Variants in MTA3 observed in about 807,000 individuals in gnomAD.
The protein encoded by MTA3 is metastasis-associated protein MTA3.
Under a neutral mutation model 83.5 loss-of-function variants are expected in MTA3, and 34 were observed. The ratio of observed to expected loss-of-function variants is 0.41; its 90% CI spans 0.31 to 0.54. MTA3 has a LOEUF of 0.54. Ranked by LOEUF, MTA3 falls within the 20% of genes least tolerant of loss-of-function variation. The pLI is 0.33. For synonymous variants in MTA3, 303 were observed against 252.7 expected, an observed-to-expected ratio of 1.20 and a Z score of -1.89; for missense variants, 761 against 726.4, an observed-to-expected ratio of 1.05 and a Z score of -0.55.
chr2:42,658,364 A>G (rs1367681177), intron 7 of MTA3, among the ~76,000 whole-genome samples: 3 of 152,138 alleles, frequency 2.0e-5, no homozygotes, highest in Non-Finnish European at 1.5e-5. Flanking sequence ...TACGTATACA[A>G]ATGGATTTAT....
chr2:42,650,813 C>T (rs1028951456), intron 6 of MTA3, among the ~76,000 whole-genome samples: 7 of 152,170 alleles, frequency 4.6e-5, no homozygotes, highest in African/African-American at 1.7e-4. Context: ...TGAGTTAATC[C>T]TTTCCCTTAT....
rs573033498 is a variant in MTA3 at position 42,520,803 on chromosome 2, C to A, written c.-141+25549C>A. ...CTGGTCTCGAACTCCTAGCCTCAAG[C>A]GATTCTCCTGCCTTGTCTTCCCAAA... On this transcript the variant is annotated intron_variant, in intron 2 of 17. Transcript: ENST00000405592. Among the ~76,000 whole-genome samples, 253 of 152,134 alleles carry A rather than the reference C, an allele frequency of 1.7e-3. 2 individuals are homozygous for A. The highest frequency in any genetic ancestry group is 5.6e-3 in the African/African-American group (233 of 41,528).
At chr2:42,522,806 CTT>C (rs1173170546) in intron 2 of MTA3, among the ~76,000 whole-genome samples, 45 of 116,116 alleles carry the variant, frequency 3.9e-4, no homozygotes, top group Admixed American at 5.3e-4. Context: ...AACATGTGGT[CTT>C]TTTTTTTTTT....
intron 8 of MTA3, among the ~76,000 whole-genome samples, chr2:42,676,347 A>T (rs1691349839): frequency 6.6e-6 from 1 of 152,244 alleles, no homozygotes; most frequent in African/African-American, 2.4e-5. Flanking sequence ...TAAGAAAAGC[A>T]GTTTCACTCA....
chr2:42,733,448 C>T (rs1051503959), intron 16 of MTA3, among the ~76,000 whole-genome samples: 3 of 152,160 alleles, frequency 2.0e-5, no homozygotes, highest in Non-Finnish European at 4.4e-5. Context: ...AGGTACAATT[C>T]AAGTTGAGAT....
chr2:42,633,095 T>G (rs1686842097), intron 4 of MTA3, among the ~76,000 whole-genome samples: 1 of 151,784 alleles, frequency 6.6e-6, no homozygotes, highest in Non-Finnish European at 1.5e-5. Flanking sequence ...AAATCCTGTC[T>G]CTAGTAAAAA....
At chr2:42,606,728 C>T (rs1420965334) in intron 3 of MTA3, among the ~76,000 whole-genome samples, 21 of 151,684 alleles carry the variant, frequency 1.4e-4, no homozygotes, top group Admixed American at 5.3e-4. Flanking sequence ...CCAAGGCAGG[C>T]GGCTGGGAGG....
intron 2 of MTA3, among the ~76,000 whole-genome samples, chr2:42,527,669 AT>A (rs957008622): frequency 5.9e-4 from 89 of 152,098 alleles, no homozygotes; most frequent in African/African-American, 2.1e-3. Context: ...AATTAAATAT[AT>A]ATTAGGTGCT....
In MTA3 at chr2:42,678,776, C is replaced by CTG. The variant is rs370351218; in HGVS notation, c.703-3613_703-3612dup. Among the ~76,000 whole-genome samples, 311 of 151,872 alleles carry CTG rather than the reference C, an allele frequency of 2.0e-3. 2 individuals are homozygous for CTG. Among genetic ancestry groups the CTG allele is most frequent in the African/African-American group, 6.8e-3 (282 of 41,420 alleles). On this transcript the variant is annotated intron_variant, in intron 8 of 16. Coordinates refer to ENST00000405094, the MANE Select transcript of MTA3 (RefSeq NM_001330442.2). ...TATCATTATCTTAGTTAATGCATCACTGTGTGTGTGTGTATACATACATAT... is the reference window on the plus strand; with the variant it reads ...TATCATTATCTTAGTTAATGCATCACTGTGTGTGTGTGTGTATACATACATAT...
chr2:42,742,475 T>C (rs982223438), intron 16 of MTA3, among the ~76,000 whole-genome samples: 1 of 152,114 alleles, frequency 6.6e-6, no homozygotes, highest in Admixed American at 6.5e-5. Context: ...ATTTTTTGCC[T>C]GTGTAAAGCT....
At chr2:42,501,882 G>A (rs1474710710) in intron 2 of MTA3, among the ~76,000 whole-genome samples, 1 of 152,186 alleles carries the variant, frequency 6.6e-6, no homozygotes, top group African/African-American at 2.4e-5. Context: ...GGAGGCTAAG[G>A]CAGGAGAATC....
chr2:42,609,587 A>G lies in MTA3; in HGVS notation c.317+3A>G, dbSNP rs1683928712. The G allele has an allele frequency of 1.2e-6, 2 of 1,613,048 alleles. No individual in the cohort carries two copies. Among genetic ancestry groups the G allele is most frequent in the Non-Finnish European group, 1.7e-6 (2 of 1,179,406 alleles). ...TCTCTGCCCGCAACACATATCAGGT[A>G]AGAACTTTTTAGGAACTAAGGTACT... On this transcript the variant is annotated splice_donor_region_variant and intron_variant, in intron 4 of 16. Transcript: ENST00000405094.
At chr2:42,616,414 C>T (rs1358357300) in intron 4 of MTA3, among the ~76,000 whole-genome samples, 2 of 112,070 alleles carry the variant, frequency 1.8e-5, no homozygotes, top group Admixed American at 2.1e-4. Context: ...TCTTGAAGAT[C>T]TCTTGTCTTT....
At chr2:42,612,802 A>C (rs1684386087) in intron 4 of MTA3, among the ~76,000 whole-genome samples, 1 of 152,170 alleles carries the variant, frequency 6.6e-6, no homozygotes, top group African/African-American at 2.4e-5. Context: ...TGAAGGTTGC[A>C]GTGAGCCAAG....
intron 4 of MTA3, among the ~76,000 whole-genome samples, chr2:42,617,784 T>TA (rs36088935): frequency 0.38 from 55,317 of 146,076 alleles, 10,244 homozygotes; most frequent in Middle Eastern, 0.53. Context: ...CTCTAAAAAA[T>TA]AAAAAAAAAA....
At chr2:42,587,939 T>C (rs1417812805) in intron 3 of MTA3, among the ~76,000 whole-genome samples, 1 of 152,160 alleles carries the variant, frequency 6.6e-6, no homozygotes, top group East Asian at 1.9e-4. Flanking sequence ...AATTATCTTA[T>C]GAATCACTGC....
intron 2 of MTA3, among the ~76,000 whole-genome samples, chr2:42,548,981 C>T (rs1366054702): frequency 1.5e-5 from 2 of 130,882 alleles, no homozygotes; most frequent in East Asian, 4.1e-4. Flanking sequence ...TCAAGACCAG[C>T]GTGACCAACA....
At chr2:42,673,682 G>A (rs1691053317) in intron 8 of MTA3, among the ~76,000 whole-genome samples, 1 of 152,176 alleles carries the variant, frequency 6.6e-6, no homozygotes, top group Non-Finnish European at 1.5e-5. Flanking sequence ...ACTAGTGGGA[G>A]GAGGTGGATA....
rs191070618 is a variant in MTA3, at chr2:42,705,255, A to G, written c.1150+937A>G. ...CAGCATGGGAGCACAAAGGGAAACAATTTGTGGAAAATTAAGATTTTTTAG... is the reference window on the plus strand; with the variant it reads ...CAGCATGGGAGCACAAAGGGAAACAGTTTGTGGAAAATTAAGATTTTTTAG... On this transcript the variant is annotated intron_variant, in intron 12 of 16. Transcript: ENST00000405094. Among the ~76,000 whole-genome samples the G allele has an allele frequency of 1.8e-3, 281 of 152,360 alleles. 1 individual carries two copies. The highest frequency in any genetic ancestry group is 6.4e-3 in the African/African-American group (267 of 41,588).
Sources: gnomAD v4.1 joint callset for allele counts (sites outside exome capture counted in the v4.1 genomes callset) on GRCh38, gnomAD v4.1.1 for gene constraint, MANE v1.5 for transcripts, NCBI Gene and HGNC (gene_info 2026-07-23, HGNC 2026-07-21) for gene names.